Variants in TENM2 observed in about 807,000 individuals in gnomAD.
TENM2 encodes teneurin-2.
A neutral mutation model predicts 245.2 loss-of-function variants in TENM2; 52 were observed. That is an observed-to-expected ratio of 0.21 (90% confidence interval 0.17 to 0.27). TENM2 has a LOEUF of 0.27. Ranked by LOEUF, TENM2 falls within the 10% of genes least tolerant of loss-of-function variation. The probability of loss-of-function intolerance (pLI) is 1.00; values close to 1 mark genes in which losing one functional copy is unlikely to be tolerated. For missense variants in TENM2, 3,046 were observed against 3,666.8 expected (o/e 0.83, Z 4.37); for synonymous variants, 1,363 against 1,438.9 (o/e 0.95, Z 1.19).
chr5:167,909,501 A>G (rs1410572231), intron 3 of TENM2, among the ~76,000 whole-genome samples: 7 of 152,126 alleles, frequency 4.6e-5, no homozygotes, highest in Non-Finnish European at 8.8e-5. Context: ...CATTGTCACT[A>G]CTCAGATATT....
At chr5:167,805,831 A>G (rs985896033) in intron 2 of TENM2, among the ~76,000 whole-genome samples, 2 of 152,146 alleles carry the variant, frequency 1.3e-5, no homozygotes, top group South Asian at 2.1e-4. Flanking sequence ...GAAGAAAACC[A>G]GTTCCCATAT....
chr5:167,174,769 G>A, the TENM2 span, among the ~76,000 whole-genome samples: 1 of 151,730 alleles, frequency 6.6e-6, no homozygotes, highest in Non-Finnish European at 1.5e-5. Context: ...TAAACTTACC[G>A]TCCTAGATAA....
intron 8 of TENM2, among the ~76,000 whole-genome samples, chr5:168,093,681 C>T (rs1042305638): frequency 7.9e-5 from 12 of 152,186 alleles, no homozygotes; most frequent in African/African-American, 2.9e-4. Flanking sequence ...AAGCACGATG[C>T]CAGCCTCCAC....
At chr5:168,207,804 C>A (rs955401061) in intron 19 of TENM2, among the ~76,000 whole-genome samples, 2 of 152,176 alleles carry the variant, frequency 1.3e-5, no homozygotes, top group Non-Finnish European at 2.9e-5. Context: ...TTCCATGGTT[C>A]TCTCACTATC....
chr5:167,389,889 A>G (rs1761655369), intron 2 of TENM2, among the ~76,000 whole-genome samples: 1 of 152,150 alleles, frequency 6.6e-6, no homozygotes, highest in Non-Finnish European at 1.5e-5. Context: ...GCAACTCTTC[A>G]TGTATTCATT....
intron 9 of TENM2, among the ~76,000 whole-genome samples, chr5:168,104,724 C>T (rs886413518): frequency 3.3e-5 from 5 of 152,010 alleles, no homozygotes; most frequent in South Asian, 2.1e-4. Flanking sequence ...AGTCAGCATG[C>T]GTTTGCAAGA....
intron 2 of TENM2, among the ~76,000 whole-genome samples, chr5:167,716,452 G>A (rs1759263864): frequency 6.6e-6 from 1 of 152,190 alleles, no homozygotes; most frequent in South Asian, 2.1e-4. Flanking sequence ...ATGTCAGTTA[G>A]AATTAATGGC....
intron 9 of TENM2, among the ~76,000 whole-genome samples, chr5:168,106,103 C>T (rs957421007): frequency 2.6e-5 from 4 of 152,058 alleles, no homozygotes; most frequent in Admixed American, 1.3e-4. Context: ...TTAGGTAATG[C>T]GTATTTAATA....
At chr5:167,225,281 T>G in the TENM2 span, among the ~76,000 whole-genome samples, 1 of 152,084 alleles carries the variant, frequency 6.6e-6, no homozygotes, top group South Asian at 2.1e-4. Context: ...TCCCATTCAG[T>G]ATAGTGTTAG....
At chr5:168,257,724 T>G (rs1767803314) in intron 27 of TENM2, among the ~76,000 whole-genome samples, 1 of 151,588 alleles carries the variant, frequency 6.6e-6, no homozygotes, top group African/African-American at 2.4e-5. Flanking sequence ...CAAGCGATTC[T>G]CCTGCCTCAG....
In TENM2 at chr5:167,534,969, T is replaced by G. The variant is rs147503767; in HGVS notation, c.502+159496T>G. On this transcript the variant is annotated intron_variant, in intron 2 of 28. Coordinates refer to ENST00000518659, the Ensembl canonical transcript of TENM2. Reference sequence around the variant, plus strand: ...CTATCTTTGTCAGTTGGCAGCATGTTGTTAACACAGTAGTTCTAGGTTAAG... The same window carrying G: ...CTATCTTTGTCAGTTGGCAGCATGTGGTTAACACAGTAGTTCTAGGTTAAG... 4.0e-3 allele frequency among the ~76,000 whole-genome samples: 608 copies of G among 152,278 alleles called. 4 individuals carry two copies. Among genetic ancestry groups the G allele is most frequent in the African/African-American group, 0.014 (565 of 41,556 alleles).
At chr5:168,261,734 G>A (rs989632091) in intron 28 of TENM2, among the ~76,000 whole-genome samples, 9 of 152,138 alleles carry the variant, frequency 5.9e-5, no homozygotes, top group African/African-American at 1.7e-4. Context: ...GGCATGACCC[G>A]GTAAGTGTGT....
intron 7 of TENM2, among the ~76,000 whole-genome samples, chr5:168,076,423 A>G (rs1437479912): frequency 2.0e-5 from 3 of 151,804 alleles, no homozygotes; most frequent in African/African-American, 7.3e-5. Flanking sequence ...ACGGGGTTTC[A>G]CAATGTTGGC....
intron 12 of TENM2, among the ~76,000 whole-genome samples, chr5:168,154,622 G>C (rs1756989432): frequency 6.6e-6 from 1 of 152,118 alleles, no homozygotes; most frequent in Non-Finnish European, 1.5e-5. Flanking sequence ...TGCCTTCCTT[G>C]TCCCATGCAG....
chr5:168,225,348 T>C (rs1043398843), intron 23 of TENM2, among the ~76,000 whole-genome samples: 2 of 152,182 alleles, frequency 1.3e-5, no homozygotes, highest in Non-Finnish European at 2.9e-5. Context: ...AAATGCGAGA[T>C]TTTTATTTGA....
intron 2 of TENM2, among the ~76,000 whole-genome samples, chr5:167,719,969 A>G (rs1000157454): frequency 6.6e-6 from 1 of 152,154 alleles, no homozygotes; most frequent in African/African-American, 2.4e-5. Context: ...GCAAAGGATA[A>G]TAACACATTT....
intron 2 of TENM2, among the ~76,000 whole-genome samples, chr5:167,775,603 G>T (rs1216582387): frequency 1.3e-5 from 2 of 152,120 alleles, no homozygotes; most frequent in Non-Finnish European, 1.5e-5. Flanking sequence ...AAGTACTTCA[G>T]TCAAGGACTG....
the TENM2 span, among the ~76,000 whole-genome samples, chr5:167,211,713 C>A: frequency 6.6e-6 from 1 of 152,126 alleles, no homozygotes; most frequent in East Asian, 1.9e-4. Flanking sequence ...ATTGGTAGCC[C>A]CAGGCATTGA....
At chr5:167,696,084 C>G (rs1444369550) in intron 2 of TENM2, among the ~76,000 whole-genome samples, 1 of 150,596 alleles carries the variant, frequency 6.6e-6, no homozygotes, top group Non-Finnish European at 1.5e-5. Flanking sequence ...GATTTACAAA[C>G]AAAAATATTA....
Sources: gnomAD v4.1 joint callset for allele counts (sites outside exome capture counted in the v4.1 genomes callset) on GRCh38, gnomAD v4.1.1 for gene constraint, MANE v1.5 for transcripts, NCBI Gene and HGNC (gene_info 2026-07-23, HGNC 2026-07-21) for gene names.